The following CSMD1 variants were observed in gnomAD, a reference collection of about 807,000 sequenced individuals.
CSMD1 encodes the protein CUB and Sushi multiple domains 1, also known as CUB and sushi domain-containing protein 1.
CSMD1 carries 213 observed loss-of-function variants against 417.5 expected under a neutral mutation model. The observed-to-expected ratio is 0.51, with a 90% CI of 0.46 to 0.57. The LOEUF is 0.57. Ranked by LOEUF, CSMD1 falls within the 20% of genes least tolerant of loss-of-function variation. The pLI is 0.00. For missense variants in CSMD1, 6,923 were observed against 4,529.7 expected (o/e 1.53, Z -15.17); for synonymous variants, 2,862 against 1,736.8 (o/e 1.65, Z -16.11).
intron 11 of CSMD1, among the ~76,000 whole-genome samples, chr8:3,484,285 T>C (rs1198072184): frequency 6.6e-6 from 1 of 152,116 alleles, no homozygotes; most frequent in Non-Finnish European, 1.5e-5. Flanking sequence ...CCCACACAAA[T>C]ACATCTAACT....
At chr8:4,836,713 C>A (rs747559361) in intron 1 of CSMD1, among the ~76,000 whole-genome samples, 1 of 151,888 alleles carries the variant, frequency 6.6e-6, no homozygotes, top group Non-Finnish European at 1.5e-5. Flanking sequence ...TATCATGGAG[C>A]AAAGAAGTCA....
chr8:4,239,689 T>C (rs781662294), intron 3 of CSMD1, among the ~76,000 whole-genome samples: 1 of 152,160 alleles, frequency 6.6e-6, no homozygotes, highest in Non-Finnish European at 1.5e-5. Flanking sequence ...TGGCAGAACA[T>C]CGCATTATGT....
chr8:4,518,176 C>T (rs746667044), intron 2 of CSMD1, among the ~76,000 whole-genome samples: 5 of 152,090 alleles, frequency 3.3e-5, no homozygotes, highest in Non-Finnish European at 7.4e-5. Context: ...CAGAGTATGG[C>T]ACGAATGATA....
intron 1 of CSMD1, among the ~76,000 whole-genome samples, chr8:4,834,815 G>C (rs1002779488): frequency 6.6e-6 from 1 of 151,484 alleles, no homozygotes; most frequent in African/African-American, 2.4e-5. Flanking sequence ...AAATTAGCCG[G>C]GCGTGGTGGT....
intron 1 of CSMD1, among the ~76,000 whole-genome samples, chr8:4,918,900 G>A (rs890138979): frequency 1.3e-5 from 2 of 152,038 alleles, no homozygotes; most frequent in Non-Finnish European, 2.9e-5. Flanking sequence ...AAATAAGTGA[G>A]TTTTAAAAAA....
intron 4 of CSMD1, among the ~76,000 whole-genome samples, chr8:4,026,456 G>C (rs576018237): frequency 6.6e-6 from 1 of 152,198 alleles, no homozygotes; most frequent in African/African-American, 2.4e-5. Context: ...TTTGACTACA[G>C]ATACGATTAT....
chr8:3,119,145 G>A (rs541012886), intron 41 of CSMD1, among the ~76,000 whole-genome samples: 13 of 151,854 alleles, frequency 8.6e-5, no homozygotes, highest in Admixed American at 4.6e-4. Flanking sequence ...TTGCCACTGC[G>A]CTCCAGCCCG....
At chr8:3,550,773 C>G (rs1036928807) in intron 10 of CSMD1, among the ~76,000 whole-genome samples, 7 of 152,208 alleles carry the variant, frequency 4.6e-5, no homozygotes, top group African/African-American at 1.7e-4. Context: ...CCACATATTC[C>G]CACATCCTTC....
At chr8:3,939,236 C>T (rs1351294453) in intron 5 of CSMD1, among the ~76,000 whole-genome samples, 2 of 151,928 alleles carry the variant, frequency 1.3e-5, no homozygotes, top group Non-Finnish European at 2.9e-5. Context: ...CTTTTAAAAT[C>T]CATGTTTTAC....
At chr8:3,037,444 G>C (rs1810765993) in intron 50 of CSMD1, among the ~76,000 whole-genome samples, 1 of 151,936 alleles carries the variant, frequency 6.6e-6, no homozygotes, top group South Asian at 2.1e-4. Context: ...TTCTGACCTC[G>C]TGATCCGCCC....
At position 4,951,935 on chromosome 8, in the gene CSMD1, T is replaced by G. The variant is rs552284071; in HGVS notation, c.85+42397A>C. On this transcript the variant is annotated intron_variant, in intron 1 of 69. Transcript: ENST00000635120. ...ATATTTAGAAAAAAAAATTATTTTT[T>G]CCCCTAGGCCTGAAACTGGTGACTC... Among the ~76,000 whole-genome samples, 11 of 151,500 alleles carry G rather than the reference T, an allele frequency of 7.3e-5. No individual in the cohort carries two copies. In the East Asian group the frequency reaches 1.9e-3, roughly 27 times the overall value.
chr8:4,132,904 A>C, intron 3 of CSMD1, among the ~76,000 whole-genome samples: 1 of 152,184 alleles, frequency 6.6e-6, no homozygotes, highest in South Asian at 2.1e-4. Context: ...TTTTATTAAC[A>C]AATCCTGAAG....
chr8:4,022,008 A>T (rs1377078491), intron 4 of CSMD1, among the ~76,000 whole-genome samples: 1 of 151,802 alleles, frequency 6.6e-6, no homozygotes, highest in African/African-American at 2.4e-5. Flanking sequence ...CTAATTCTGG[A>T]GTCCAACACT....
chr8:3,389,560 C>G (rs181785679), intron 17 of CSMD1, among the ~76,000 whole-genome samples: 1 of 152,066 alleles, frequency 6.6e-6, no homozygotes, highest in Non-Finnish European at 1.5e-5. Context: ...TCTGTGGTCA[C>G]TAAACAACAG....
chr8:3,037,684 T>G lies in CSMD1; in HGVS notation c.7661-8171A>C, dbSNP rs112061853. 6.8e-3 allele frequency among the ~76,000 whole-genome samples: 1,030 copies of G among 152,318 alleles called. 10 individuals are homozygous for G. Among genetic ancestry groups the G allele is most frequent in the Middle Eastern group, 0.014 (4 of 294 alleles). On this transcript the variant is annotated intron_variant, in intron 50 of 69. Coordinates refer to ENST00000635120, the MANE Select transcript of CSMD1 (RefSeq NM_033225.6). ...AAGGACAAAAGTTGTTTTTGGATTTTTGCTTTACCCTTACAGCTTAACGAA... is the reference window on the plus strand; with the variant it reads ...AAGGACAAAAGTTGTTTTTGGATTTGTGCTTTACCCTTACAGCTTAACGAA...
chr8:3,156,652 T>A (rs1336638945), intron 39 of CSMD1, among the ~76,000 whole-genome samples: 1 of 152,090 alleles, frequency 6.6e-6, no homozygotes. Flanking sequence ...AATATTTTAA[T>A]GCAATATTTG....
At chr8:4,024,245 T>A (rs1796945748) in intron 4 of CSMD1, among the ~76,000 whole-genome samples, 3 of 152,138 alleles carry the variant, frequency 2.0e-5, no homozygotes, top group African/African-American at 7.2e-5. Context: ...AATACTCATA[T>A]CAAGGTGTCA....
intron 37 of CSMD1, among the ~76,000 whole-genome samples, chr8:3,162,752 ATCTC>A (rs765171995): frequency 3.2e-4 from 48 of 151,912 alleles, no homozygotes; most frequent in East Asian, 1.2e-3. Context: ...TTTACATTCA[ATCTC>A]TCTCTCTCTT....
intron 36 of CSMD1, among the ~76,000 whole-genome samples, chr8:3,184,309 C>G (rs2129048888): frequency 6.6e-6 from 1 of 152,284 alleles, no homozygotes; most frequent in South Asian, 2.1e-4. Flanking sequence ...GCCAGATAAA[C>G]TACTAACTCA....
Sources: gnomAD v4.1 joint callset for allele counts (sites outside exome capture counted in the v4.1 genomes callset) on GRCh38, gnomAD v4.1.1 for gene constraint, MANE v1.5 for transcripts, NCBI Gene and HGNC (gene_info 2026-07-23, HGNC 2026-07-21) for gene names.